The following CSPP1 variants were observed in gnomAD, a reference collection of about 807,000 sequenced individuals.
CSPP1 encodes centrosome and spindle pole associated protein 1.
A neutral mutation model predicts 164.4 loss-of-function variants in CSPP1; 126 were observed. That is an observed-to-expected ratio of 0.77 (90% confidence interval 0.66 to 0.89). CSPP1 has a LOEUF of 0.89. Ranked by LOEUF, CSPP1 falls within the 40% of genes least tolerant of loss-of-function variation. The probability of loss-of-function intolerance (pLI) is 0.00; values close to 1 mark genes in which losing one functional copy is unlikely to be tolerated. For missense variants in CSPP1, 1,395 were observed against 1,449.8 expected, an observed-to-expected ratio of 0.96 and a Z score of 0.61; for synonymous variants, 472 against 476.7, an observed-to-expected ratio of 0.99 and a Z score of 0.13.
intron 28 of CSPP1, 139 bp from the exon 29 acceptor site, chr8:67,190,511 C>G: frequency 1.6e-6 from 1 of 631,962 alleles, no homozygotes; most frequent in South Asian, 2.0e-5. Context: ...AAAAAATCAC[C>G]GAACTGTGTA....
rs533397247 is a variant in CSPP1 at position 67,108,552 on chromosome 8, G to C, written c.1093+2577G>C. 5.3e-5 allele frequency among the ~76,000 whole-genome samples: 8 copies of C among 152,310 alleles called. No individual in the cohort carries two copies. In the South Asian group the frequency reaches 1.7e-3, roughly 32 times the overall value. On this transcript the variant is annotated intron_variant, in intron 9 of 30. Coordinates refer to ENST00000678616, the MANE Select transcript of CSPP1 (RefSeq NM_001382391.1). ...TTCGTGTGAGGCCTGGAGTGCCAGA[G>C]AGATTTTTCTTAGTGTTCCTGCACT...
chr8:67,099,299 A>T (rs1813532382), intron 7 of CSPP1: 1 of 152,022 alleles, frequency 6.6e-6, no homozygotes, highest in Non-Finnish European at 1.5e-5. Flanking sequence ...ATTTAGATAG[A>T]TTTTCTATGG....
intron 4 of CSPP1, chr8:67,086,791 C>A: frequency 7.6e-7 from 1 of 1,315,458 alleles, no homozygotes; most frequent in Non-Finnish European, 1.0e-6. Context: ...ACTTAATACA[C>A]TTTGTCAATG....
chr8:67,085,593 T>C (rs1810227891), intron 3 of CSPP1, among the ~76,000 whole-genome samples: 1 of 152,124 alleles, frequency 6.6e-6, no homozygotes, highest in Admixed American at 6.5e-5. Flanking sequence ...TTTTCTTTAA[T>C]TTTGCTGTTC....
Position 67,172,400 on chromosome 8 carries a change from T to C in CSPP1, c.2829-16T>C. 1 of 1,599,668 alleles carries C rather than the reference T, an allele frequency of 6.3e-7. No individual in the cohort carries two copies. Among genetic ancestry groups the C allele is most frequent in the Non-Finnish European group, 8.5e-7 (1 of 1,169,902 alleles). ...TTCCTGTGAAGCACATATTATGATTTGTCATTTATCTATAGGAAAAAGGAA... is the reference window on the plus strand; with the variant it reads ...TTCCTGTGAAGCACATATTATGATTCGTCATTTATCTATAGGAAAAAGGAA... On this transcript the variant is annotated splice_polypyrimidine_tract_variant and intron_variant, in intron 24 of 30. Transcript: ENST00000678616.
chr8:67,192,482 C>G (rs1443598512), intron 29 of CSPP1, among the ~76,000 whole-genome samples: 1 of 152,096 alleles, frequency 6.6e-6, no homozygotes, highest in African/African-American at 2.4e-5. Flanking sequence ...TCTTTTTTCC[C>G]ATTCTGTATC....
intron 9 of CSPP1, 28 bp from the exon 10 acceptor site, chr8:67,111,944 A>G (rs751220768): frequency 1.4e-6 from 2 of 1,407,780 alleles, no homozygotes; most frequent in African/African-American, 1.4e-5. Context: ...AAGAGTTAAG[A>G]TTGTATTTTT....
At chr8:67,152,994 T>TA (rs1307334727) in intron 18 of CSPP1, among the ~76,000 whole-genome samples, 1 of 151,974 alleles carries the variant, frequency 6.6e-6, no homozygotes, top group Admixed American at 6.6e-5. Context: ...GGTCAGGAGT[T>TA]AGAGACCAGC....
chr8:67,104,893 G>T (rs1030799129), intron 8 of CSPP1, among the ~76,000 whole-genome samples: 3 of 143,816 alleles, frequency 2.1e-5, no homozygotes, highest in Non-Finnish European at 4.5e-5. Flanking sequence ...GCCCGCCTTG[G>T]CCTCCCAAAA....
rs1420249939 is a variant in CSPP1 at position 67,175,316 on chromosome 8, C to G, written c.2989C>G (p.Leu997Val). The change falls in exon 26 of 31, where the codon CTG (leucine) becomes GTG (valine). Residue 997 changes from leucine to valine, a missense_variant. Leu to Val is a conservative substitution (Grantham distance 32). Transcript: ENST00000678616. The stretch of plus-strand genomic sequence containing the variant: ...ACCAGATTCAGAAACACGAGTTGAT[C>G]TGAAATTTATGTACCTGGATCCTCC... The part of the protein sequence containing the change: ...KDRDSETRVD[L>V]KFMYLDPPRD... 1.2e-6 allele frequency: 2 copies of G among 1,611,886 alleles called. No homozygotes were observed. Among genetic ancestry groups the G allele is most frequent in the Non-Finnish European group, 1.7e-6 (2 of 1,178,680 alleles).
At chr8:67,082,471 C>A (rs892924659) in intron 3 of CSPP1, among the ~76,000 whole-genome samples, 1 of 152,062 alleles carries the variant, frequency 6.6e-6, no homozygotes, top group Admixed American at 6.6e-5. Flanking sequence ...GTAGTGATAC[C>A]TTTATAGCTG....
intron 28 of CSPP1, among the ~76,000 whole-genome samples, chr8:67,185,887 A>C (rs187625627): frequency 1.1e-4 from 17 of 152,334 alleles, no homozygotes; most frequent in Admixed American, 9.8e-4. Flanking sequence ...GATCAAAAGG[A>C]CAAGAATCCT....
At chr8:67,164,558 C>T (rs1828955019) in intron 24 of CSPP1, 50 bp downstream of exon 24, 5 of 818,976 alleles carry the variant, frequency 6.1e-6, no homozygotes, top group Non-Finnish European at 1.1e-5. Flanking sequence ...TTTTATCTTA[C>T]TTCACCTATC....
chr8:67,103,117 C>A lies in CSPP1; in HGVS notation c.1004C>A (p.Ser335Ter). ...ATAGAACAGTCAAACATAAGAATTTCATCTGCTGAAAATAAAAGGTACAGT... is the reference window on the plus strand; with the variant it reads ...ATAGAACAGTCAAACATAAGAATTTAATCTGCTGAAAATAAAAGGTACAGT... ...DVIEQSNIRI[S>*]SAENKSAPDN... is the part of the protein sequence containing the mutation. Residue 335 changes from serine to a stop codon, truncating the protein, a stop_gained, in exon 8 of 31, where the codon TCA becomes TAA. Coordinates refer to ENST00000678616, the MANE Select transcript of CSPP1 (RefSeq NM_001382391.1). LOFTEE classifies it high-confidence loss of function. 1 of 1,594,382 alleles carries A rather than the reference C, an allele frequency of 6.3e-7. No individual in the cohort carries two copies. The highest frequency in any genetic ancestry group is 1.3e-5 in the African/African-American group (1 of 74,664).
chr8:67,127,964 G>A (rs1366611867), intron 15 of CSPP1, among the ~76,000 whole-genome samples: 1 of 152,178 alleles, frequency 6.6e-6, no homozygotes, highest in African/African-American at 2.4e-5. Flanking sequence ...TAACTATTTT[G>A]ATGTACGCAC....
intron 4 of CSPP1, chr8:67,086,955 GA>G (rs1810541104): frequency 2.0e-6 from 1 of 503,646 alleles, no homozygotes; most frequent in Non-Finnish European, 3.5e-6. Flanking sequence ...AACCAATTAG[GA>G]AAACGGGTTC....
intron 3 of CSPP1, among the ~76,000 whole-genome samples, chr8:67,078,107 A>G (rs541160992): frequency 1.5e-4 from 23 of 152,270 alleles, no homozygotes; most frequent in African/African-American, 4.8e-4. Context: ...AAAGTTTAAT[A>G]GTAGGTTATC....
chr8:67,159,004 A>C lies in CSPP1; in HGVS notation c.2405A>C (p.Asn802Thr), dbSNP rs1259033203. Residue 802 changes from asparagine to threonine, a missense_variant, in exon 21 of 31, where the codon AAT (asparagine) becomes ACT (threonine). Physicochemically the swap from Asn to Thr is moderately conservative, Grantham distance 65. Coordinates refer to ENST00000678616, the MANE Select transcript of CSPP1 (RefSeq NM_001382391.1). ...TTTATTTTAAAGCAAAGGCTAAAAA[A>C]TGAAGAGCATATTCGGTTAGCTGAA... Reference protein sequence around the residue: ...REKEEEQRLKNEEHIRLAEER... With the variant: ...REKEEEQRLKTEEHIRLAEER... 1.3e-6 allele frequency: 2 copies of C among 1,599,754 alleles called. No homozygotes were observed. The highest frequency in any genetic ancestry group is 1.7e-6 in the Non-Finnish European group (2 of 1,175,090).
chr8:67,106,718 A>T (rs1001444141), intron 9 of CSPP1, among the ~76,000 whole-genome samples: 2 of 152,224 alleles, frequency 1.3e-5, no homozygotes, highest in African/African-American at 4.8e-5. Context: ...AATAGAAAAG[A>T]GGTCTTTTTG....
Sources: allele counts gnomAD v4.1 joint callset (sites outside exome capture counted in the v4.1 genomes callset), GRCh38; gene constraint gnomAD v4.1.1; transcripts MANE v1.5; gene names NCBI Gene and HGNC (gene_info 2026-07-23, HGNC 2026-07-21).